Variants in MME observed in about 807,000 individuals in gnomAD.
MME encodes the protein membrane metalloendopeptidase.
MME carries 98 observed loss-of-function variants against 113.2 expected under a neutral mutation model. The ratio of observed to expected loss-of-function variants is 0.87; its 90% confidence interval spans 0.74 to 1.02. The LOEUF is 1.02. Among genes scored for constraint, MME ranks in the 50% least tolerant of loss-of-function variants. MME has a pLI of 0.00. For missense variants in MME, 836 were observed against 896.0 expected, an observed-to-expected ratio of 0.93 and a Z score of 0.86; for synonymous variants, 292 against 300.6, an observed-to-expected ratio of 0.97 and a Z score of 0.30.
chr3:155,066,195 G>GT (rs760328497), intron 1 of MME, among the ~76,000 whole-genome samples: 1 of 152,154 alleles, frequency 6.6e-6, no homozygotes, highest in Non-Finnish European at 1.5e-5. Flanking sequence ...TATAGTACTA[G>GT]TTTAAGTATG....
At chr3:155,175,342 C>G (rs1712413289) in intron 22 of MME, among the ~76,000 whole-genome samples, 1 of 151,774 alleles carries the variant, frequency 6.6e-6, no homozygotes, top group Admixed American at 6.6e-5. Flanking sequence ...CTAATTCCTC[C>G]ATTTTGATTA....
chr3:155,098,703 A>T (rs554339326), intron 3 of MME, among the ~76,000 whole-genome samples: 1 of 152,272 alleles, frequency 6.6e-6, no homozygotes, highest in African/African-American at 2.4e-5. Flanking sequence ...GTTACTCGAG[A>T]TGAAGATTTC....
intron 1 of MME, among the ~76,000 whole-genome samples, chr3:155,042,925 T>G (rs192689046): frequency 1.6e-5 from 1 of 63,930 alleles, no homozygotes. Context: ...TATATATATA[T>G]ATATATATAT....
At chr3:155,102,988 G>A (rs1717387322) in intron 3 of MME, among the ~76,000 whole-genome samples, 1 of 152,150 alleles carries the variant, frequency 6.6e-6, no homozygotes. Context: ...CTGGGACACA[G>A]CTCAGAACCT....
intron 22 of MME, among the ~76,000 whole-genome samples, chr3:155,173,506 T>A (rs545099631): frequency 6.6e-6 from 1 of 151,952 alleles, no homozygotes; most frequent in South Asian, 2.1e-4. Context: ...ACACATTTAA[T>A]TATGAAGCAA....
chr3:155,078,719 G>A (rs1461274562), upstream of MME, among the ~76,000 whole-genome samples: 2 of 151,308 alleles, frequency 1.3e-5, no homozygotes, highest in Non-Finnish European at 2.9e-5. Flanking sequence ...AAAGAGGAAA[G>A]GGATCAGTAT....
chr3:155,147,825 G>C (rs1721638082), intron 15 of MME, among the ~76,000 whole-genome samples: 1 of 152,156 alleles, frequency 6.6e-6, no homozygotes, highest in Non-Finnish European at 1.5e-5. Flanking sequence ...TCCTTGCCCA[G>C]GTCCTGGGAT....
In MME at chr3:155,058,347, C is replaced by A. The variant is rs546903073; in HGVS notation, c.-10-25811C>A. Among the ~76,000 whole-genome samples, 282 of 152,298 alleles carry A rather than the reference C, an allele frequency of 1.9e-3. 2 individuals carry two copies. Among genetic ancestry groups the A allele is most frequent in the South Asian group, 2.7e-3 (13 of 4,830 alleles). On this transcript the variant is annotated intron_variant, in intron 1 of 22. Coordinates refer to the MME transcript ENST00000492661. ...ATGACAGTGTCCTATTTACTCTTCA[C>A]TCCCCTACCCCTACCACTAAGACTC...
chr3:155,057,777 A>G (rs913934562), intron 1 of MME, among the ~76,000 whole-genome samples: 3 of 150,210 alleles, frequency 2.0e-5, no homozygotes, highest in African/African-American at 7.4e-5. Context: ...GACATTTTTT[A>G]GGATCTAATT....
At chr3:155,061,367 C>T (rs895243132) in intron 1 of MME, among the ~76,000 whole-genome samples, 6 of 146,734 alleles carry the variant, frequency 4.1e-5, no homozygotes, top group Admixed American at 7.0e-5. Context: ...AGGAGAATGG[C>T]GTGAACCAGG....
At chr3:155,095,553 TA>T (rs1041874110) in intron 3 of MME, among the ~76,000 whole-genome samples, 1 of 152,192 alleles carries the variant, frequency 6.6e-6, no homozygotes, top group African/African-American at 2.4e-5. Context: ...TTTTATTTTT[TA>T]TTTTTTTTAG....
upstream of MME, among the ~76,000 whole-genome samples, chr3:155,076,512 C>T (rs537059542): frequency 3.4e-4 from 51 of 152,006 alleles, no homozygotes; most frequent in Non-Finnish European, 5.6e-4. Context: ...ATTTTTTTGT[C>T]GGTATTACAA....
chr3:155,034,511 C>A (rs1453563110), intron 1 of MME, among the ~76,000 whole-genome samples: 1 of 152,060 alleles, frequency 6.6e-6, no homozygotes, highest in Non-Finnish European at 1.5e-5. Flanking sequence ...GGTACAGAGC[C>A]TTATTAACAA....
chr3:155,181,588 A>C lies in MME; in HGVS notation c.*1129A>C, dbSNP rs1713093786. 1 of 152,116 alleles carries C rather than the reference A, an allele frequency of 6.6e-6. No homozygotes were observed. The highest frequency in any genetic ancestry group is 1.5e-5 in the Non-Finnish European group (1 of 68,030). The allele number at this position is 152,116 out of a possible 1,614,324, so 9.4% of individuals were successfully genotyped here. A position where few individuals can be genotyped will look rare whatever the true frequency, so the allele number is the denominator to read the frequency against. ...GATAATAAATTGAAATTGTGAACTC[A>C]TTGCTCCCTAAGACTGTGACAACTG... On this transcript the variant is annotated 3_prime_UTR_variant, in exon 23 of 23. Transcript: ENST00000360490.
rs1018643118 is a variant in MME, at chr3:155,116,749, G to A, written c.525G>A (p.Glu175=). 2.5e-6 allele frequency: 4 copies of A among 1,613,108 alleles called. No individual in the cohort carries two copies. The African/African-American group carries it at 5.3e-5, about 22-fold the overall frequency. Residue 175 remains glutamate, a synonymous_variant, in exon 6 of 23, where the codon GAG becomes GAA. Coordinates refer to ENST00000360490, the MANE Select transcript of MME (RefSeq NM_007289.4). The part of the protein sequence containing the change: ...YGWPVATENW[E]QKYGASWTAE... ...GGCCAGTAGCAACAGAAAACTGGGA[G>A]CAAAAATATGGTAAGGCAATTTTCC...
chr3:155,139,901 C>T lies in MME; in HGVS notation c.856-290C>T, dbSNP rs565000899. Among the ~76,000 whole-genome samples the T allele has an allele frequency of 2.4e-3, 359 of 152,186 alleles. 2 individuals carry two copies. The highest frequency in any genetic ancestry group is 8.4e-3 in the African/African-American group (350 of 41,540). On this transcript the variant is annotated intron_variant, in intron 9 of 22. Transcript: ENST00000360490. Reference sequence around the variant, plus strand: ...AGACACAACTGAACTGGCCATTAGCCATAGCTCATAAATATTGCTTATATG... The same window carrying T: ...AGACACAACTGAACTGGCCATTAGCTATAGCTCATAAATATTGCTTATATG...
At chr3:155,136,624 A>T (rs1720656152) in intron 8 of MME, among the ~76,000 whole-genome samples, 1 of 152,208 alleles carries the variant, frequency 6.6e-6, no homozygotes, top group Non-Finnish European at 1.5e-5. Context: ...CAAATTGATA[A>T]TAATTTTGTA....
rs1210026780 is a variant in MME at position 155,091,956 on chromosome 3, A to C, written c.196+6862A>C. On this transcript the variant is annotated intron_variant, in intron 3 of 22. Coordinates refer to ENST00000360490, the MANE Select transcript of MME (RefSeq NM_007289.4). Reference sequence around the variant, plus strand: ...ATATTAGTCAGGCCTTCTCCAGAGAACAGAACCAATGGTATATGTATATAA... The same window carrying C: ...ATATTAGTCAGGCCTTCTCCAGAGACCAGAACCAATGGTATATGTATATAA... 2.0e-5 allele frequency among the ~76,000 whole-genome samples: 3 copies of C among 152,306 alleles called. No homozygotes were observed. In the East Asian group the frequency reaches 5.8e-4, roughly 29 times the overall value.
intron 1 of MME, among the ~76,000 whole-genome samples, chr3:155,042,889 A>C (rs1298981009): frequency 1.7e-5 from 2 of 117,158 alleles, no homozygotes; most frequent in East Asian, 5.6e-4. Flanking sequence ...AAAAATTACC[A>C]ATAGTAGGTT....
Sources: allele counts gnomAD v4.1 joint callset (sites outside exome capture counted in the v4.1 genomes callset), GRCh38; gene constraint gnomAD v4.1.1; transcripts MANE v1.5; gene names NCBI Gene and HGNC (gene_info 2026-07-23, HGNC 2026-07-21).